RUNX1: variants seen among roughly 807,000 people sequenced by gnomAD.
RUNX1 encodes RUNX family transcription factor 1.
A neutral mutation model predicts 42.8 loss-of-function variants in RUNX1; 19 were observed. The observed-to-expected ratio is 0.44, with a 90% CI of 0.31 to 0.65. The LOEUF is 0.65. Ranked by LOEUF, RUNX1 falls within the 30% of genes least tolerant of loss-of-function variation. RUNX1 has a pLI of 0.07. For synonymous variants in RUNX1, 271 were observed against 289.4 expected (o/e 0.94, Z 0.64); for missense variants, 528 against 672.0 (o/e 0.79, Z 2.37).
At chr21:34,934,161 G>A (rs1304065899) in intron 2 of RUNX1, among the ~76,000 whole-genome samples, 1 of 152,150 alleles carries the variant, frequency 6.6e-6, no homozygotes, top group Non-Finnish European at 1.5e-5. Context: ...CATGAGCTGT[G>A]ACTAGCTCTG....
Position 35,007,560 on chromosome 21 carries a change from C to A in RUNX1, c.58+41282G>T, listed in dbSNP as rs143690653. On this transcript the variant is annotated intron_variant, in intron 2 of 8. Coordinates refer to ENST00000675419, the MANE Select transcript of RUNX1 (RefSeq NM_001754.5). ...ACCACTTCCCCTTCCCTGGCTCCAC[C>A]CTTTGTCTCCCTGCAGTGTTTCTCC... Among the ~76,000 whole-genome samples, 30 of 152,268 alleles carry A rather than the reference C, an allele frequency of 2.0e-4. No individual in the cohort carries two copies. The Middle Eastern group carries it at 0.017, about 86-fold the overall frequency.
At chr21:34,859,037 C>T (rs1009402354) in intron 6 of RUNX1, among the ~76,000 whole-genome samples, 11 of 152,112 alleles carry the variant, frequency 7.2e-5, no homozygotes, top group African/African-American at 2.7e-4. Context: ...TCATCTCTGG[C>T]CCTCATGAAT....
chr21:34,796,377 G>A (rs2145895233), intron 8 of RUNX1, among the ~76,000 whole-genome samples: 1 of 152,116 alleles, frequency 6.6e-6, no homozygotes, highest in South Asian at 2.1e-4. Flanking sequence ...TTTCATCTTT[G>A]TGTCTTGTCT....
intron 8 of RUNX1, among the ~76,000 whole-genome samples, chr21:34,797,583 G>C (rs906296574): frequency 7.2e-5 from 11 of 152,200 alleles, no homozygotes; most frequent in African/African-American, 2.7e-4. Flanking sequence ...GGTGTGCAGA[G>C]GGGTGCCCTG....
At chr21:34,847,709 T>G (rs2057337250) in intron 6 of RUNX1, among the ~76,000 whole-genome samples, 1 of 152,182 alleles carries the variant, frequency 6.6e-6, no homozygotes, top group Non-Finnish European at 1.5e-5. Flanking sequence ...GAAGCAGAAC[T>G]GCATTTTGAT....
chr21:34,949,780 A>G (rs1238361298), intron 2 of RUNX1, among the ~76,000 whole-genome samples: 1 of 152,226 alleles, frequency 6.6e-6, no homozygotes, highest in Non-Finnish European at 1.5e-5. Context: ...CGCACAACAT[A>G]TGTTCACTAG....
At chr21:35,015,756 A>G (rs184426287) in intron 2 of RUNX1, among the ~76,000 whole-genome samples, 30 of 152,316 alleles carry the variant, frequency 2.0e-4, no homozygotes. Context: ...ATCTCCCACT[A>G]ACTTCACAAG....
In RUNX1 at chr21:34,792,015, C is replaced by A; in HGVS notation, c.*120G>T. Reference sequence around the variant, plus strand: ...TCCTGGCCGTCGGGCGCCCTCGGCCCCAGGACGGTGGCCGGGCCCAGGGCC... The same window carrying A: ...TCCTGGCCGTCGGGCGCCCTCGGCCACAGGACGGTGGCCGGGCCCAGGGCC... On this transcript the variant is annotated 3_prime_UTR_variant, in exon 9 of 9. Coordinates refer to ENST00000675419, the MANE Select transcript of RUNX1 (RefSeq NM_001754.5). This position sits in a 1 kb window ranked among gnomAD's most constrained non-coding sequence, Gnocchi z 6.9. The A allele has an allele frequency of 1.6e-6, 1 of 612,436 alleles. No individual in the cohort carries two copies. 37.9% of individuals were successfully genotyped at this position (612,436 alleles called of 1,614,324 possible).
intron 2 of RUNX1, among the ~76,000 whole-genome samples, chr21:34,939,737 TTTAGGGAAGATGTG>T (rs2058512957): frequency 6.6e-6 from 1 of 152,200 alleles, no homozygotes; most frequent in South Asian, 2.1e-4. Context: ...AAGCTGTTGT[TTTAGGGAAGATGTG>T]TTAGGGAAGA....
intron 2 of RUNX1, among the ~76,000 whole-genome samples, chr21:35,046,552 G>A (rs2059397587): frequency 6.6e-6 from 1 of 152,170 alleles, no homozygotes; most frequent in Non-Finnish European, 1.5e-5. Flanking sequence ...GAACTCTGGG[G>A]GAGAGCCATT....
At chr21:34,913,334 C>T (rs2058287389) in intron 2 of RUNX1, among the ~76,000 whole-genome samples, 1 of 152,126 alleles carries the variant, frequency 6.6e-6, no homozygotes, top group African/African-American at 2.4e-5. Context: ...GAACTGGGCT[C>T]AGGAAAGGAA....
intron 2 of RUNX1, chr21:35,038,293 A>G (rs1601699643): frequency 3.2e-6 from 1 of 311,490 alleles, no homozygotes; most frequent in South Asian, 2.6e-5. Flanking sequence ...GCTTGGGCCT[A>G]TCTTCCTCCT....
intron 2 of RUNX1, among the ~76,000 whole-genome samples, chr21:35,005,095 T>C (rs761368131): frequency 1.3e-5 from 2 of 152,198 alleles, no homozygotes; most frequent in African/African-American, 4.8e-5. Flanking sequence ...TAGGTAGATT[T>C]TATTGATGTA....
chr21:34,905,157 C>T (rs537693616), intron 2 of RUNX1, among the ~76,000 whole-genome samples: 19 of 152,316 alleles, frequency 1.2e-4, no homozygotes, highest in African/African-American at 3.8e-4. Flanking sequence ...GCCCCCTTCT[C>T]CCAATTCACC....
At chr21:35,034,700 C>T (rs1340091545) in intron 2 of RUNX1, among the ~76,000 whole-genome samples, 1 of 152,190 alleles carries the variant, frequency 6.6e-6, no homozygotes, top group African/African-American at 2.4e-5. Context: ...GTCCCCTCAA[C>T]AGAGAATGAT....
intron 2 of RUNX1, among the ~76,000 whole-genome samples, chr21:34,982,406 G>GTGTGTGTA (rs1433721498): frequency 2.6e-5 from 4 of 151,658 alleles, no homozygotes; most frequent in African/African-American, 9.7e-5. Context: ...GGGTGTGTGT[G>GTGTGTGTA]TGTGTGTGTG....
intron 7 of RUNX1, among the ~76,000 whole-genome samples, chr21:34,811,330 T>G (rs2056755922): frequency 6.6e-6 from 1 of 152,204 alleles, no homozygotes; most frequent in Non-Finnish European, 1.5e-5. Context: ...TCTCATGCAG[T>G]CCTCCCATCT....
intron 5 of RUNX1, among the ~76,000 whole-genome samples, chr21:34,877,180 A>C (rs1011289140): frequency 3.3e-5 from 5 of 152,002 alleles, no homozygotes; most frequent in African/African-American, 1.2e-4. Context: ...AAATTTCTTA[A>C]ATTTCTCTCA....
chr21:34,906,004 G>C (rs2146502935), intron 2 of RUNX1, among the ~76,000 whole-genome samples: 1 of 152,158 alleles, frequency 6.6e-6, no homozygotes, highest in South Asian at 2.1e-4. Context: ...CTCTCCTGGT[G>C]GTCTGTTTAT....
Sources: allele counts gnomAD v4.1 joint callset (sites outside exome capture counted in the v4.1 genomes callset), GRCh38; gene constraint gnomAD v4.1.1; non-coding constraint Gnocchi (gnomAD v3.1); transcripts MANE v1.5; gene names NCBI Gene and HGNC (gene_info 2026-07-23, HGNC 2026-07-21).